SRRM1: variants seen among roughly 807,000 people sequenced by gnomAD.
SRRM1 encodes the protein serine/arginine repetitive matrix protein 1.
Under a neutral mutation model 110.2 loss-of-function variants are expected in SRRM1, and 19 were observed. The ratio of observed to expected loss-of-function variants is 0.17; its 90% CI spans 0.12 to 0.25. The LOEUF is 0.25. Among genes scored for constraint, SRRM1 ranks in the 10% least tolerant of loss-of-function variants. The probability of loss-of-function intolerance (pLI) is 1.00; values close to 1 mark genes in which losing one functional copy is unlikely to be tolerated. For missense variants in SRRM1, 918 were observed against 1,145.8 expected (o/e 0.80, Z 2.87); for synonymous variants, 443 against 414.9 (o/e 1.07, Z -0.82).
intron 3 of SRRM1, chr1:24,648,200 A>T (rs904717515): frequency 6.6e-6 from 1 of 152,230 alleles, no homozygotes; most frequent in Non-Finnish European, 1.5e-5. Flanking sequence ...TGTGCTTGTT[A>T]TACAGACCTT....
intron 14 of SRRM1, 61 bp downstream of exon 14, chr1:24,669,648 T>C (rs574683187): frequency 7.9e-7 from 1 of 1,260,894 alleles, no homozygotes; most frequent in African/African-American, 1.5e-5. Context: ...ATTTGGAAGC[T>C]TCCCCCCACC....
rs575756210 is a variant in SRRM1, at chr1:24,669,148, C to T, written c.1765C>T (p.Arg589Cys). 1.2e-5 allele frequency: 19 copies of T among 1,610,500 alleles called. 1 individual carries two copies. The highest frequency in any genetic ancestry group is 1.1e-4 in the East Asian group (5 of 44,778). ...GACTCCTTCTCCTCCCCCACGTCGGCGCTCACCTTCTCCTAGAAGATACTC... is the reference window on the plus strand; with the variant it reads ...GACTCCTTCTCCTCCCCCACGTCGGTGCTCACCTTCTCCTAGAAGATACTC... ...RRTPSPPPRR[R>C]SPSPRRYSPP... is the part of the protein sequence containing the mutation. Residue 589 changes from arginine to cysteine, a missense_variant, in exon 14 of 17, where the codon CGC becomes TGC. Transcript: ENST00000323848.
intron 4 of SRRM1, among the ~76,000 whole-genome samples, chr1:24,649,539 G>A (rs1441010892): frequency 1.3e-5 from 2 of 152,130 alleles, no homozygotes; most frequent in Non-Finnish European, 2.9e-5. Context: ...GACTTGTCTC[G>A]AACTCCTGAC....
intron 1 of SRRM1, chr1:24,643,552 C>A: frequency 2.3e-6 from 1 of 429,258 alleles, no homozygotes; most frequent in Non-Finnish European, 4.0e-6. Flanking sequence ...CCGGAATGGT[C>A]CCCCCTACGC....
intron 12 of SRRM1, chr1:24,663,193 G>T: frequency 6.6e-7 from 1 of 1,513,422 alleles, no homozygotes; most frequent in South Asian, 1.2e-5. Context: ...GATGCAGATG[G>T]GAAAGCGATG....
intron 15 of SRRM1, 125 bp downstream of exon 15, chr1:24,670,440 T>C (rs1027803922): frequency 6.2e-6 from 6 of 972,286 alleles, no homozygotes; most frequent in South Asian, 3.6e-5. Flanking sequence ...TTGTGAGTTA[T>C]ACATCTGATC....
At chr1:24,652,370 G>A (rs2148363969) in intron 6 of SRRM1, 64 bp from the exon 7 acceptor site, 2 of 1,137,054 alleles carry the variant, frequency 1.8e-6, no homozygotes, top group Non-Finnish European at 2.5e-6. Flanking sequence ...ACATCATTGT[G>A]TAATGATTTA....
At chr1:24,666,222 A>G (rs945851714) in intron 12 of SRRM1, among the ~76,000 whole-genome samples, 3 of 152,174 alleles carry the variant, frequency 2.0e-5, no homozygotes, top group African/African-American at 7.2e-5. Context: ...CATGTCAAGA[A>G]TGTTTGGTAT....
intron 2 of SRRM1, among the ~76,000 whole-genome samples, 150 bp from the exon 3 acceptor site, chr1:24,646,502 AAGAGTGCAAGACTCT>A (rs1435216312): frequency 3.3e-5 from 5 of 151,466 alleles, no homozygotes; most frequent in Non-Finnish European, 7.4e-5. Flanking sequence ...CAGCCTGGGC[AAGAGTGCAAGACTCT>A]GTCTCAAAAA....
chr1:24,664,257 A>G (rs995283720), intron 12 of SRRM1, among the ~76,000 whole-genome samples: 1 of 152,078 alleles, frequency 6.6e-6, no homozygotes, highest in Non-Finnish European at 1.5e-5. Context: ...CGGCCTCCCA[A>G]AGTGTTGGGA....
At position 24,652,044 on chromosome 1, in the gene SRRM1, A is replaced by T. The variant is rs1484297694; in HGVS notation, c.726-390A>T. ...CTGTACTAAAAATATATATATATAT[A>T]TATATATATATATATATATGTACAC... On this transcript the variant is annotated intron_variant, in intron 6 of 16. Coordinates refer to ENST00000323848, the MANE Select transcript of SRRM1 (RefSeq NM_005839.4). Among the ~76,000 whole-genome samples the T allele has an allele frequency of 1.6e-5, 2 of 125,800 alleles. 1 individual carries two copies. Among genetic ancestry groups the T allele is most frequent in the African/African-American group, 6.3e-5 (2 of 31,878 alleles). 82.5% of individuals were successfully genotyped at this position (125,800 alleles called of 152,430 possible). A position where few individuals can be genotyped will look rare whatever the true frequency, so the allele number is the denominator to read the frequency against.
At position 24,645,998 on chromosome 1, in the gene SRRM1, A is replaced by G. The variant is rs770340983; in HGVS notation, c.36A>G (p.Glu12=). 3.7e-6 allele frequency: 6 copies of G among 1,613,810 alleles called. No homozygotes were observed. The highest frequency in any genetic ancestry group is 1.1e-5 in the South Asian group (1 of 91,070). Residue 12 remains glutamate (E), a synonymous_variant, in exon 2 of 17, where the codon GAA becomes GAG. Transcript: ENST00000323848. The stretch of plus-strand genomic sequence containing the variant: ...TCTTCCTGCAGGGAACAAGTGCAGA[A>G]CAGGATAATCGGTTCAGCAACAAAC... ...DAGFFRGTSA[E]QDNRFSNKQK... is the part of the protein sequence containing the mutation.
intron 1 of SRRM1, among the ~76,000 whole-genome samples, chr1:24,643,938 C>T (rs552166330): frequency 1.3e-5 from 2 of 152,102 alleles, no homozygotes; most frequent in Non-Finnish European, 2.9e-5. Context: ...AATTTGATAT[C>T]CCTTCAGGGA....
At chr1:24,660,436 T>C (rs1372934534) in intron 9 of SRRM1, among the ~76,000 whole-genome samples, 1 of 152,230 alleles carries the variant, frequency 6.6e-6, no homozygotes, top group Non-Finnish European at 1.5e-5. Context: ...ACAGGAATTT[T>C]TTAAGTCTTC....
intron 13 of SRRM1, among the ~76,000 whole-genome samples, chr1:24,668,246 G>T (rs1571104284): frequency 1.3e-5 from 2 of 152,118 alleles, no homozygotes; most frequent in African/African-American, 2.4e-5. Context: ...GGGATGACAG[G>T]TGTGACCCAC....
chr1:24,655,042 A>G lies in SRRM1; in HGVS notation c.1228A>G (p.Lys410Glu). ...RPSPPATPPP[K>E]TRHSPTPQQS... is the part of the protein sequence containing the mutation. ...ATCACCTCCTGCAACTCCACCACCC[A>G]AAACTCGGCATTCCCCTACACCCCA... The change falls in exon 9 of 17, where the codon AAA (lysine) becomes GAA (glutamate). Residue 410 changes from lysine to glutamate, a missense_variant. Lys to Glu is a moderately conservative substitution (Grantham distance 56). Around this residue, in one of 5 missense-constraint regions of SRRM1, gnomAD observed 456 missense variants for 453.5 expected, o/e 1.01. Coordinates refer to ENST00000323848, the MANE Select transcript of SRRM1 (RefSeq NM_005839.4). 2 of 1,614,180 alleles carry G rather than the reference A, an allele frequency of 1.2e-6. No individual in the cohort carries two copies. The highest frequency in any genetic ancestry group is 1.7e-6 in the Non-Finnish European group (2 of 1,180,032).
intron 4 of SRRM1, 88 bp downstream of exon 4, chr1:24,649,117 A>C (rs1250786331): frequency 8.1e-6 from 10 of 1,240,974 alleles, no homozygotes; most frequent in African/African-American, 1.5e-5. Context: ...CTCAGCTAGG[A>C]TCTTCATGTA....
chr1:24,671,758 C>T (rs1165730869), intron 16 of SRRM1, among the ~76,000 whole-genome samples, 163 bp downstream of exon 16: 2 of 151,670 alleles, frequency 1.3e-5, no homozygotes, highest in Non-Finnish European at 2.9e-5. Context: ...TTGTGGTTCC[C>T]TGGGTTTTAG....
chr1:24,643,431 GC>G, intron 1 of SRRM1, 84 bp downstream of exon 1: 1 of 1,244,796 alleles, frequency 8.0e-7, no homozygotes, highest in Non-Finnish European at 1.1e-6. Context: ...GCACAGGGTG[GC>G]CAGCGAGGGG....
Sources: gnomAD v4.1 joint callset for allele counts (sites outside exome capture counted in the v4.1 genomes callset) on GRCh38, gnomAD v4.1.1 for gene constraint, gnomAD v4.1.1 regional missense constraint, MANE v1.5 for transcripts, NCBI Gene and HGNC (gene_info 2026-07-23, HGNC 2026-07-21) for gene names.